The following SPMIP3 variants were observed in gnomAD, a reference collection of about 807,000 sequenced individuals.
The protein encoded by SPMIP3 is protein SPMIP3.
the SPMIP3 span, among the ~76,000 whole-genome samples, chr1:244,368,461 C>A: frequency 7.2e-5 from 11 of 152,342 alleles, no homozygotes; most frequent in South Asian, 1.2e-3. Context: ...TACTGACTGG[C>A]GGACATGGGA....
At chr1:244,357,477 A>C in the SPMIP3 span, among the ~76,000 whole-genome samples, 1 of 152,074 alleles carries the variant, frequency 6.6e-6, no homozygotes, top group East Asian at 1.9e-4. Flanking sequence ...TGGGGGGGCC[A>C]AGGTGGGTGG....
At chr1:244,388,891 G>A in the SPMIP3 span, 2 of 1,303,754 alleles carry the variant, frequency 1.5e-6, no homozygotes, top group Non-Finnish European at 2.2e-6. Context: ...AAAGGACAGT[G>A]TGTTAAAAAT....
At chr1:244,378,450 C>G in the SPMIP3 span, 1 of 1,592,542 alleles carries the variant, frequency 6.3e-7, no homozygotes, top group Non-Finnish European at 8.5e-7. Context: ...CAGCAAACTA[C>G]TTCTATTTCC....
chr1:244,385,813 T>C, the SPMIP3 span, among the ~76,000 whole-genome samples: 1 of 152,134 alleles, frequency 6.6e-6, no homozygotes, highest in Non-Finnish European at 1.5e-5. Context: ...CTGAGATTAA[T>C]TTCTAAAATC....
the SPMIP3 span, among the ~76,000 whole-genome samples, chr1:244,376,932 C>A: frequency 6.6e-6 from 1 of 151,794 alleles, no homozygotes; most frequent in Non-Finnish European, 1.5e-5. Flanking sequence ...CCTCAGCCTC[C>A]CGAGTAGCTG....
the SPMIP3 span, among the ~76,000 whole-genome samples, chr1:244,376,708 G>A: frequency 2.0e-5 from 3 of 152,100 alleles, no homozygotes; most frequent in African/African-American, 7.2e-5. Context: ...TCAATTGAAT[G>A]AATTCAATTC....
At chr1:244,367,155 G>A in the SPMIP3 span, among the ~76,000 whole-genome samples, 1 of 152,172 alleles carries the variant, frequency 6.6e-6, no homozygotes, top group East Asian at 1.9e-4. Flanking sequence ...ATGACATGAT[G>A]ACACAGGGGC....
chr1:244,354,392 T>C, the SPMIP3 span, among the ~76,000 whole-genome samples: 3 of 149,628 alleles, frequency 2.0e-5, no homozygotes, highest in Non-Finnish European at 3.0e-5. Flanking sequence ...AGTCTCGCTC[T>C]GTCACCCAGG....
chr1:244,364,869 G>T, the SPMIP3 span: 5 of 1,134,552 alleles, frequency 4.4e-6, no homozygotes, highest in Non-Finnish European at 6.6e-6. Flanking sequence ...CTGCCAGGGA[G>T]TTCTAGGGAA....
the SPMIP3 span, among the ~76,000 whole-genome samples, chr1:244,371,607 C>T: frequency 6.6e-6 from 1 of 152,212 alleles, no homozygotes; most frequent in African/African-American, 2.4e-5. Flanking sequence ...TTACTGACTG[C>T]TTCTAAGGAG....
chr1:244,367,819 A>G, the SPMIP3 span, among the ~76,000 whole-genome samples: 1 of 152,222 alleles, frequency 6.6e-6, no homozygotes, highest in African/African-American at 2.4e-5. Flanking sequence ...TGAACAAAAC[A>G]GATCTCAAAC....
chr1:244,358,093 G>A, the SPMIP3 span, among the ~76,000 whole-genome samples: 1 of 151,884 alleles, frequency 6.6e-6, no homozygotes, highest in Non-Finnish European at 1.5e-5. Flanking sequence ...AGTCAGGCAT[G>A]GTGGTACACG....
chr1:244,354,340 G>C, the SPMIP3 span, among the ~76,000 whole-genome samples: 10 of 147,788 alleles, frequency 6.8e-5, no homozygotes, highest in Admixed American at 7.2e-4. Context: ...TGTACTGGGA[G>C]TACCCAAACT....
the SPMIP3 span, chr1:244,389,312 A>G: frequency 3.1e-6 from 1 of 321,588 alleles, no homozygotes; most frequent in Non-Finnish European, 5.9e-6. Context: ...CTGGCAAGCT[A>G]TCTTACATTT....
chr1:244,377,489 A>G, the SPMIP3 span, among the ~76,000 whole-genome samples: 1 of 152,018 alleles, frequency 6.6e-6, no homozygotes. Context: ...ATAATTTCCT[A>G]TTTTTTTACA....
At chr1:244,389,281 C>G in the SPMIP3 span, 1 of 387,748 alleles carries the variant, frequency 2.6e-6, no homozygotes, top group South Asian at 3.5e-5. Context: ...TTAAGCCCCA[C>G]TCCCAGTCTT....
the SPMIP3 span, among the ~76,000 whole-genome samples, chr1:244,380,591 G>T: frequency 2.6e-5 from 4 of 152,170 alleles, no homozygotes; most frequent in Non-Finnish European, 4.4e-5. Context: ...AGGTCACACA[G>T]CTAGGCGGTA....
chr1:244,369,000 A>C, the SPMIP3 span, among the ~76,000 whole-genome samples: 60,372 of 152,048 alleles, frequency 0.4, 13,051 homozygotes, highest in Non-Finnish European at 0.51. Context: ...TCTACTAAAA[A>C]TACAAAAAAT....
chr1:244,364,836 G>T, the SPMIP3 span: 2 of 1,388,818 alleles, frequency 1.4e-6, no homozygotes, highest in Non-Finnish European at 2.1e-6. Flanking sequence ...TGCACATCCT[G>T]CTGCTCAGTG....
Sources: allele counts gnomAD v4.1 joint callset (sites outside exome capture counted in the v4.1 genomes callset), GRCh38; gene constraint gnomAD v4.1.1; transcripts MANE v1.5; gene names NCBI Gene and HGNC (gene_info 2026-07-23, HGNC 2026-07-21).